Variants in LIG1 observed in about 807,000 individuals in gnomAD.
LIG1 encodes DNA ligase 1.
A neutral mutation model predicts 115.7 loss-of-function variants in LIG1; 70 were observed. That is an observed-to-expected ratio of 0.60 (90% CI 0.50 to 0.74). LIG1 has a LOEUF of 0.74. Among genes scored for constraint, LIG1 ranks in the 30% least tolerant of loss-of-function variants. The probability of loss-of-function intolerance (pLI) is 0.00; values close to 1 mark genes in which losing one functional copy is unlikely to be tolerated. For missense variants in LIG1, 1,115 were observed against 1,225.6 expected (o/e 0.91, Z 1.35); for synonymous variants, 487 against 495.3 (o/e 0.98, Z 0.22).
At position 48,139,998 on chromosome 19, in the gene LIG1, G is replaced by A. The variant is rs963029703; in HGVS notation, c.1060C>T (p.Leu354Phe). 1 of 1,614,030 alleles carries A rather than the reference G, an allele frequency of 6.2e-7. No homozygotes were observed. The highest frequency in any genetic ancestry group is 1.3e-5 in the African/African-American group (1 of 74,928). The change falls in exon 12 of 28, where the codon CTT (leucine) becomes TTT (phenylalanine). Residue 354 changes from leucine to phenylalanine, a missense_variant. Transcript: ENST00000263274. ...GTGGCCTGGGCCACTGCCTTGAGAA[G>A]GACACCATCACCCACGCCAAGCTCC... ...GLELGVGDGVLLKAVAQATGR... is the reference protein window; with the variant it reads ...GLELGVGDGVFLKAVAQATGR...
In LIG1 at chr19:48,121,105, A is replaced by C. The variant is rs545891001; in HGVS notation, c.2385+65T>G. 7.9e-5 allele frequency: 128 copies of C among 1,613,006 alleles called. 1 individual carries two copies. The East Asian group carries it at 2.4e-3, about 30-fold the overall frequency. ...CCCTCGGTCTGGGTTGTGCAATAGG[A>C]AATACCCCCGGGAGTCTAATCTCCT... On this transcript the variant is annotated intron_variant, in intron 24 of 27. Transcript: ENST00000263274.
intron 17 of LIG1, 65 bp from the exon 18 acceptor site, chr19:48,133,162 A>G: frequency 9.5e-7 from 1 of 1,053,390 alleles, no homozygotes; most frequent in Non-Finnish European, 1.5e-6. Flanking sequence ...GAACATGGAG[A>G]GGAGAACTGC....
At chr19:48,156,563 T>C (rs1031507337) in intron 5 of LIG1, among the ~76,000 whole-genome samples, 3 of 152,154 alleles carry the variant, frequency 2.0e-5, no homozygotes, top group African/African-American at 7.2e-5. Context: ...AGCCAGTGGA[T>C]GGTGGACCCG....
chr19:48,159,116 T>G (rs1327512966), intron 4 of LIG1, among the ~76,000 whole-genome samples: 2 of 151,664 alleles, frequency 1.3e-5, no homozygotes, highest in Non-Finnish European at 2.9e-5. Context: ...CTTGCCCTGT[T>G]GTTCAGGCTG....
intron 11 of LIG1, among the ~76,000 whole-genome samples, chr19:48,142,452 A>G (rs1258581874): frequency 6.6e-6 from 1 of 150,454 alleles, no homozygotes; most frequent in African/African-American, 2.4e-5. Context: ...CAAAAAAAAA[A>G]AAAAACAGAG....
At position 48,118,534 on chromosome 19, in the gene LIG1, C is replaced by CTTTTTTTTTTTTTTTTT. The variant is rs143277427; in HGVS notation, c.2439+586_2439+602dup. 3 of 97,350 alleles carry CTTTTTTTTTTTTTTTTT rather than the reference C, an allele frequency of 3.1e-5. 1 individual carries two copies. Among genetic ancestry groups the CTTTTTTTTTTTTTTTTT allele is most frequent in the Non-Finnish European group, 5.7e-5 (3 of 52,972 alleles). 6.0% of individuals were successfully genotyped at this position (97,350 alleles called of 1,614,324 possible). ...AGGAAACCTCTCTTTATAAATGATC[C>CTTTTTTTTTTTTTTTTT]TTTTTTTTTTTTTTTTTTTTTTGAG... is the stretch of plus-strand genomic sequence containing the variant. On this transcript the variant is annotated intron_variant, in intron 25 of 27. Transcript: ENST00000263274.
intron 18 of LIG1, among the ~76,000 whole-genome samples, chr19:48,132,445 G>A (rs3786763): frequency 0.15 from 22,978 of 151,808 alleles, 2,046 homozygotes; most frequent in African/African-American, 0.25. Flanking sequence ...CACTATCATC[G>A]GTCAGGACTC....
At chr19:48,150,064 G>C in intron 8 of LIG1, 24 bp downstream of exon 8, 1 of 1,614,130 alleles carries the variant, frequency 6.2e-7, no homozygotes, top group Non-Finnish European at 8.5e-7. Context: ...ACCCCGGGAG[G>C]TGGGGTGAGC....
At chr19:48,127,378 T>A in intron 20 of LIG1, 30 bp from the exon 21 acceptor site, 1 of 1,595,212 alleles carries the variant, frequency 6.3e-7, no homozygotes, top group South Asian at 1.1e-5. Context: ...AGTTCGTGAG[T>A]GCAGGAAGGT....
At chr19:48,136,937 G>T in intron 14 of LIG1, 71 bp downstream of exon 14, 2 of 1,229,532 alleles carry the variant, frequency 1.6e-6, no homozygotes, top group Non-Finnish European at 1.2e-6. Flanking sequence ...GATTCCAGCT[G>T]CCAGTCCCTC....
In LIG1 at chr19:48,135,669, C is replaced by A. The variant is rs749616622; in HGVS notation, c.1523+11G>T. 18 of 1,611,564 alleles carry A rather than the reference C, an allele frequency of 1.1e-5. No individual in the cohort carries two copies. Among genetic ancestry groups the A allele is most frequent in the Non-Finnish European group, 1.3e-5 (15 of 1,177,684 alleles). ...AGCCCCTGGCAACTCCACCCACTGCCCAGCTCTCACCAGAACGTCTGCTTC... is the reference window on the plus strand; with the variant it reads ...AGCCCCTGGCAACTCCACCCACTGCACAGCTCTCACCAGAACGTCTGCTTC... On this transcript the variant is annotated intron_variant, in intron 16 of 27. Transcript: ENST00000263274.
intron 4 of LIG1, among the ~76,000 whole-genome samples, chr19:48,158,859 C>A (rs979830764): frequency 5.9e-5 from 9 of 152,200 alleles, no homozygotes; most frequent in African/African-American, 2.2e-4. Context: ...AGCAGTCCCA[C>A]CACAGAGGTG....
intron 11 of LIG1, among the ~76,000 whole-genome samples, chr19:48,141,897 C>A (rs944992809): frequency 6.6e-6 from 1 of 152,188 alleles, no homozygotes; most frequent in East Asian, 1.9e-4. Flanking sequence ...CCACTCAGAG[C>A]CTCACAACAT....
intron 6 of LIG1, among the ~76,000 whole-genome samples, chr19:48,151,828 C>T (rs1225888540): frequency 2.0e-5 from 3 of 152,136 alleles, no homozygotes; most frequent in East Asian, 3.9e-4. Flanking sequence ...CCTATGTAGC[C>T]GAGACATAAA....
At position 48,137,786 on chromosome 19, in the gene LIG1, T is replaced by C. The variant is rs1227185310; in HGVS notation, c.1088-98A>G. On this transcript the variant is annotated intron_variant, in intron 12 of 27. Coordinates refer to ENST00000263274, the MANE Select transcript of LIG1 (RefSeq NM_000234.3). The surrounding 1 kb of genome is among the most constrained non-coding windows in gnomAD (Gnocchi z 4.3). ...TGGATGAATTTTCTCCAGCTGTGTG[T>C]GCTTGTGGCGAGTCCCTGCACCTCC... is the stretch of plus-strand genomic sequence containing the variant. The C allele has an allele frequency of 2.0e-6, 3 of 1,468,338 alleles. No individual in the cohort carries two copies. Among genetic ancestry groups the C allele is most frequent in the Non-Finnish European group, 1.9e-6 (2 of 1,079,466 alleles). 91.0% of individuals were successfully genotyped at this position (1,468,338 alleles called of 1,614,324 possible). A position where few individuals can be genotyped will look rare whatever the true frequency, so the allele number is the denominator to read the frequency against.
intron 19 of LIG1, among the ~76,000 whole-genome samples, 190 bp from the exon 20 acceptor site, chr19:48,128,210 T>C (rs2122489114): frequency 6.6e-6 from 1 of 152,136 alleles, no homozygotes; most frequent in East Asian, 1.9e-4. Context: ...TCTGAGAATG[T>C]AATATTTGGT....
chr19:48,127,862 G>T, intron 20 of LIG1, 48 bp downstream of exon 20: 1 of 1,468,892 alleles, frequency 6.8e-7, no homozygotes, highest in Non-Finnish European at 9.5e-7. Flanking sequence ...CTGGGTGGAA[G>T]ATGAGGAAGT....
intron 4 of LIG1, among the ~76,000 whole-genome samples, chr19:48,157,410 T>C (rs1359930481): frequency 2.0e-5 from 3 of 152,160 alleles, no homozygotes. Flanking sequence ...CCCAAGTAGC[T>C]GGGACTACAG....
intron 5 of LIG1, 99 bp downstream of exon 5, chr19:48,156,915 G>A: frequency 8.6e-7 from 1 of 1,158,350 alleles, no homozygotes; most frequent in Middle Eastern, 3.2e-4. Flanking sequence ...CTCCAGCCTA[G>A]GCAACAGAGC....
Sources: gnomAD v4.1 joint callset for allele counts (sites outside exome capture counted in the v4.1 genomes callset) on GRCh38, gnomAD v4.1.1 for gene constraint, Gnocchi (gnomAD v3.1) non-coding constraint, MANE v1.5 for transcripts, NCBI Gene and HGNC (gene_info 2026-07-23, HGNC 2026-07-21) for gene names.